SYNC: variants seen among roughly 807,000 people sequenced by gnomAD.
SYNC encodes syncoilin, intermediate filament protein.
SYNC carries 38 observed loss-of-function variants against 49.5 expected under a neutral mutation model. The ratio of observed to expected loss-of-function variants is 0.77; its 90% CI spans 0.59 to 1.01. The LOEUF is 1.01. Ranked by LOEUF, SYNC falls within the 50% of genes least tolerant of loss-of-function variation. The pLI is 0.00. For synonymous variants in SYNC, 201 were observed against 230.8 expected (o/e 0.87, Z 1.17); for missense variants, 579 against 580.6 (o/e 1.00, Z 0.03).
At chr1:32,696,091 A>G in intron 1 of SYNC, 47 bp from the exon 2 acceptor site, 2 of 1,484,316 alleles carry the variant, frequency 1.3e-6, no homozygotes, top group South Asian at 2.5e-5. Flanking sequence ...CAATCCCAGG[A>G]TGGTGCAATT....
At position 32,684,066 on chromosome 1, in the gene SYNC, A is replaced by C. The variant is rs769743641; in HGVS notation, c.1382T>G (p.Leu461Arg). 1.9e-6 allele frequency: 3 copies of C among 1,614,128 alleles called. No homozygotes were observed. Among genetic ancestry groups the C allele is most frequent in the Non-Finnish European group, 2.5e-6 (3 of 1,180,038 alleles). The change falls in exon 4 of 5, where the codon CTG becomes CGG. Residue 461 changes from leucine (L) to arginine (R), a missense_variant. Physicochemically the swap from Leu to Arg is moderately radical, Grantham distance 102. Transcript: ENST00000409190. ...AGAAGTGGGAGCATCAGCCTGTTCCAGGCTCTTGGGTAGTAGCATAGCCCT... is the reference window on the plus strand; with the variant it reads ...AGAAGTGGGAGCATCAGCCTGTTCCCGGCTCTTGGGTAGTAGCATAGCCCT... Reference protein sequence around the residue: ...TYKAMLLPKSLEQADAPTSQA... With the variant: ...TYKAMLLPKSREQADAPTSQA...
chr1:32,692,522 G>A (rs1650214232), intron 2 of SYNC, among the ~76,000 whole-genome samples: 1 of 152,240 alleles, frequency 6.6e-6, no homozygotes, highest in African/African-American at 2.4e-5. Flanking sequence ...TGAGGCCGGT[G>A]GATCACCTGA....
In SYNC at chr1:32,696,054, A is replaced by T; in HGVS notation, c.54-10T>A. The T allele has an allele frequency of 1.3e-6, 2 of 1,531,664 alleles. No individual in the cohort carries two copies. The highest frequency in any genetic ancestry group is 1.7e-6 in the Non-Finnish European group (2 of 1,143,728). The allele number at this position is 1,531,664 out of a possible 1,614,324, so 94.9% of individuals were successfully genotyped here. Reference sequence around the variant, plus strand: ...CTCTACTCTTGTTTTCCTGCAAAAGAAATGATTGAAAGTGAAAGGGCAGCC... The same window carrying T: ...CTCTACTCTTGTTTTCCTGCAAAAGTAATGATTGAAAGTGAAAGGGCAGCC... On this transcript the variant is annotated splice_polypyrimidine_tract_variant and intron_variant, in intron 1 of 4. Coordinates refer to ENST00000409190, the MANE Select transcript of SYNC (RefSeq NM_030786.3).
intron 1 of SYNC, among the ~76,000 whole-genome samples, chr1:32,699,765 G>A (rs1159713969): frequency 7.2e-6 from 1 of 139,736 alleles, no homozygotes; most frequent in East Asian, 2.1e-4. Context: ...CCAGAGTCTC[G>A]CTCTGTTGCC....
At chr1:32,701,960 G>T (rs1006443281) in intron 1 of SYNC, among the ~76,000 whole-genome samples, 1 of 152,132 alleles carries the variant, frequency 6.6e-6, no homozygotes, top group Non-Finnish European at 1.5e-5. Context: ...AAGGGGTGTC[G>T]GGAGCTATGT....
rs149808130 is a variant in SYNC at position 32,699,954 on chromosome 1, G to A, written c.53+2654C>T. Among the ~76,000 whole-genome samples the A allele has an allele frequency of 1.9e-3, 284 of 151,460 alleles. 3 individuals are homozygous for A. The East Asian group carries it at 0.035, about 19-fold the overall frequency. Reference sequence around the variant, plus strand: ...TCACCATCTTGGTCAGGCTGGTCTCGAACTCCTGACCTCATGATCCGCCTG... The same window carrying A: ...TCACCATCTTGGTCAGGCTGGTCTCAAACTCCTGACCTCATGATCCGCCTG... On this transcript the variant is annotated intron_variant, in intron 1 of 4. Transcript: ENST00000409190.
chr1:32,696,209 G>A (rs1043305851), intron 1 of SYNC, among the ~76,000 whole-genome samples, 165 bp from the exon 2 acceptor site: 8 of 151,912 alleles, frequency 5.3e-5, no homozygotes, highest in South Asian at 4.2e-4. Context: ...ACCCAACCAC[G>A]GTGTAGATCC....
chr1:32,693,644 A>T (rs1650271206), intron 2 of SYNC, among the ~76,000 whole-genome samples: 1 of 152,214 alleles, frequency 6.6e-6, no homozygotes, highest in Admixed American at 6.6e-5. Context: ...TACAACAATA[A>T]GTAAAATGTA....
intron 2 of SYNC, among the ~76,000 whole-genome samples, chr1:32,692,284 C>G (rs549843382): frequency 6.6e-6 from 1 of 152,268 alleles, no homozygotes; most frequent in South Asian, 2.1e-4. Flanking sequence ...TTTACCTGCA[C>G]CTCTCATAAA....
intron 1 of SYNC, among the ~76,000 whole-genome samples, chr1:32,699,488 G>A (rs937694606): frequency 1.3e-5 from 2 of 151,836 alleles, no homozygotes; most frequent in African/African-American, 2.4e-5. Context: ...AAAGACTACA[G>A]TCTCCATCCC....
At position 32,695,921 on chromosome 1, in the gene SYNC, G is replaced by A. The variant is rs1272679004; in HGVS notation, c.177C>T (p.Leu59=). The change falls in exon 2 of 5, where the codon CTC becomes CTT. Residue 59 remains leucine (L), a synonymous_variant. Transcript: ENST00000409190. ...CAAGGTCACCTGTGTCCTCCAGGTA[G>A]AGAATGTCTTCGAGGTTTAAGGACC... The part of the protein sequence containing the change: ...SEGSLNLEDI[L]YLEDTGDLDE... The A allele has an allele frequency of 6.4e-7, 1 of 1,551,600 alleles. No homozygotes were observed. Among genetic ancestry groups the A allele is most frequent in the Non-Finnish European group, 8.7e-7 (1 of 1,147,078 alleles).
chr1:32,691,508 G>T (rs372278301), intron 2 of SYNC, among the ~76,000 whole-genome samples: 1 of 147,908 alleles, frequency 6.8e-6, no homozygotes, highest in East Asian at 2.0e-4. Flanking sequence ...AGGCGAGATC[G>T]TGCCACTGCA....
At chr1:32,692,557 ACCAACATGGTGAAACC>A (rs376127794) in intron 2 of SYNC, among the ~76,000 whole-genome samples, 4 of 152,044 alleles carry the variant, frequency 2.6e-5, no homozygotes, top group African/African-American at 7.2e-5. Context: ...GACCAGCCTG[ACCAACATGGTGAAACC>A]CCATCTCTAC....
chr1:32,694,772 T>C lies in SYNC; in HGVS notation c.1233+93A>G, dbSNP rs947317622. ...AAGAACAAATTTTTCTTCCTACATGTGACACTATCTTTCAGCCCCAAAGAC... is the reference window on the plus strand; with the variant it reads ...AAGAACAAATTTTTCTTCCTACATGCGACACTATCTTTCAGCCCCAAAGAC... On this transcript the variant is annotated intron_variant, in intron 2 of 4. Coordinates refer to ENST00000409190, the MANE Select transcript of SYNC (RefSeq NM_030786.3). 7 of 1,284,062 alleles carry C rather than the reference T, an allele frequency of 5.5e-6. No homozygotes were observed. The African/African-American group carries it at 1.0e-4, about 19-fold the overall frequency. 79.5% of individuals were successfully genotyped at this position (1,284,062 alleles called of 1,614,324 possible).
At position 32,681,652 on chromosome 1, in the gene SYNC, G is replaced by C. The variant is rs1289613318; in HGVS notation, c.*198C>G. ...CAGATGAAATAGAATCCAGCAAAGA[G>C]TTGACATGTTCTGCCTCCGGCCAAC... is the stretch of plus-strand genomic sequence containing the variant. On this transcript the variant is annotated 3_prime_UTR_variant, in exon 5 of 5. Coordinates refer to ENST00000409190, the MANE Select transcript of SYNC (RefSeq NM_030786.3). 1.4e-6 allele frequency: 1 copy of C among 714,422 alleles called. No individual in the cohort carries two copies. Among genetic ancestry groups the C allele is most frequent in the Non-Finnish European group, 2.4e-6 (1 of 418,976 alleles). The allele number at this position is 714,422 out of a possible 1,614,324, so 44.3% of individuals were successfully genotyped here.
Position 32,684,356 on chromosome 1 carries a change from G to A in SYNC, c.1260C>T (p.Arg420=), listed in dbSNP as rs752610030. The A allele has an allele frequency of 1.4e-5, 22 of 1,613,956 alleles. No individual in the cohort carries two copies. Among genetic ancestry groups the A allele is most frequent in the Non-Finnish European group, 1.9e-5 (22 of 1,180,026 alleles). ...GCACCCCATTTCTTAACTGCCTCTG[G>A]CGTTCTTCCATTTCCTCCAGCTGTT... is the stretch of plus-strand genomic sequence containing the variant. ...YREQLEEMEE[R]QRQLRNGVQL... is the part of the protein sequence containing the mutation. The change falls in exon 3 of 5, where the codon CGC becomes CGT. Residue 420 remains arginine, a synonymous_variant. Coordinates refer to ENST00000409190, the MANE Select transcript of SYNC (RefSeq NM_030786.3).
rs1440918114 is a variant in SYNC, at chr1:32,681,602, G to A, written c.*248C>T. On this transcript the variant is annotated 3_prime_UTR_variant, in exon 5 of 5. Coordinates refer to ENST00000409190, the MANE Select transcript of SYNC (RefSeq NM_030786.3). ...CAGGAGGCTCATCTTTCCTTTCCTT[G>A]GTGCATTGAGATCAGTATCAACAGC... The A allele has an allele frequency of 3.4e-6, 2 of 591,630 alleles. No homozygotes were observed. The highest frequency in any genetic ancestry group is 3.7e-5 in the African/African-American group (2 of 53,486). 36.6% of individuals were successfully genotyped at this position (591,630 alleles called of 1,614,324 possible). A position where few individuals can be genotyped will look rare whatever the true frequency, so the allele number is the denominator to read the frequency against.
chr1:32,692,523 G>A (rs1650214342), intron 2 of SYNC, among the ~76,000 whole-genome samples: 1 of 152,222 alleles, frequency 6.6e-6, no homozygotes, highest in South Asian at 2.1e-4. Context: ...GAGGCCGGTG[G>A]ATCACCTGAG....
chr1:32,698,326 G>C (rs913274743), intron 1 of SYNC, among the ~76,000 whole-genome samples: 7 of 151,072 alleles, frequency 4.6e-5, no homozygotes, highest in Admixed American at 4.6e-4. Flanking sequence ...AGACCATACT[G>C]GCTAACACAG....
Sources: allele counts gnomAD v4.1 joint callset (sites outside exome capture counted in the v4.1 genomes callset), GRCh38; gene constraint gnomAD v4.1.1; transcripts MANE v1.5; gene names NCBI Gene and HGNC (gene_info 2026-07-23, HGNC 2026-07-21).